Variants in NFASC observed in about 807,000 individuals in gnomAD.
NFASC encodes neurofascin, also known as neurofascin homolog.
Under a neutral mutation model 147.5 loss-of-function variants are expected in NFASC, and 43 were observed. That is an observed-to-expected ratio of 0.29 (90% confidence interval 0.23 to 0.38). The LOEUF (loss-of-function observed/expected upper bound fraction) is 0.38, where lower values mean the gene tolerates loss of function less well. Ranked by LOEUF, NFASC falls within the 10% of genes least tolerant of loss-of-function variation. The probability of loss-of-function intolerance (pLI) is 1.00; values close to 1 mark genes in which losing one functional copy is unlikely to be tolerated. For synonymous variants in NFASC, 622 were observed against 665.5 expected (o/e 0.93, Z 1.01); for missense variants, 1,320 against 1,689.0 (o/e 0.78, Z 3.83).
chr1:204,976,914 G>A lies in NFASC; in HGVS notation c.1831+119G>A, dbSNP rs77159058. 5.0e-4 allele frequency: 739 copies of A among 1,485,392 alleles called. 3 individuals carry two copies. In the East Asian group the frequency reaches 0.012, roughly 23 times the overall value. 92.0% of individuals were successfully genotyped at this position (1,485,392 alleles called of 1,614,324 possible). Reference sequence around the variant, plus strand: ...CTGCAGTCAAGTGGCCGGGTCAGGCGTGGTGATCTCTTCTTGCCTCGTGAT... The same window carrying A: ...CTGCAGTCAAGTGGCCGGGTCAGGCATGGTGATCTCTTCTTGCCTCGTGAT... On this transcript the variant is annotated intron_variant, in intron 16 of 29. Transcript: ENST00000339876.
intron 3 of NFASC, chr1:204,946,438 T>C (rs1484632002): frequency 1.2e-5 from 5 of 433,708 alleles, no homozygotes; most frequent in Non-Finnish European, 2.4e-5. Flanking sequence ...TTCCAGATGC[T>C]CTGGCTGTGT....
chr1:204,953,261 AT>A (rs947036787), intron 5 of NFASC, among the ~76,000 whole-genome samples: 1 of 152,108 alleles, frequency 6.6e-6, no homozygotes, highest in Non-Finnish European at 1.5e-5. Context: ...CTAGGCTGCC[AT>A]TTCTTTAAAA....
chr1:204,900,492 T>G (rs979726316), intron 1 of NFASC, among the ~76,000 whole-genome samples: 3 of 152,242 alleles, frequency 2.0e-5, no homozygotes, highest in African/African-American at 7.2e-5. Context: ...CCACCTTCTA[T>G]AGACTGAACA....
Position 204,957,816 on chromosome 1 carries a change from G to T in NFASC, c.696G>T (p.Lys232Asn), listed in dbSNP as rs2094495209. The change falls in exon 8 of 30, where the codon AAG (lysine) becomes AAT (asparagine). Residue 232 changes from lysine to asparagine, a missense_variant. Physicochemically the swap from Lys to Asn is moderately conservative, Grantham distance 94. Transcript: ENST00000339876. The part of the protein sequence containing the change: ...TIQQKNPFTL[K>N]VLTTRGVAER... ...AGCAGAAGAACCCTTTCACCCTCAA[G>T]GTCCTCACCAGTAAGTGAAGGCCCC... is the stretch of plus-strand genomic sequence containing the variant. The T allele has an allele frequency of 1.9e-6, 3 of 1,614,010 alleles. No individual in the cohort carries two copies. The highest frequency in any genetic ancestry group is 2.7e-5 in the African/African-American group (2 of 74,894).
intron 1 of NFASC, among the ~76,000 whole-genome samples, chr1:204,882,115 T>C (rs1312046307): frequency 1.3e-5 from 2 of 152,192 alleles, no homozygotes; most frequent in Non-Finnish European, 2.9e-5. Context: ...TGAAAGACCC[T>C]ATTGCAGTGC....
intron 29 of NFASC, among the ~76,000 whole-genome samples, chr1:205,013,329 T>C (rs1400948054): frequency 6.6e-6 from 1 of 152,168 alleles, no homozygotes; most frequent in East Asian, 1.9e-4. Context: ...TCTTAAAGCC[T>C]CAAGGAATGA....
intron 1 of NFASC, among the ~76,000 whole-genome samples, chr1:204,890,712 G>C (rs1553235957): frequency 6.6e-6 from 1 of 152,108 alleles, no homozygotes; most frequent in Non-Finnish European, 1.5e-5. Context: ...TGGAATTACA[G>C]GCGCCCACCA....
chr1:204,984,100 C>T (rs2095559556), intron 21 of NFASC: 2 of 1,614,070 alleles, frequency 1.2e-6, no homozygotes, highest in African/African-American at 1.3e-5. Flanking sequence ...AGTGGAACCG[C>T]GTCTACTCCG....
intron 2 of NFASC, among the ~76,000 whole-genome samples, chr1:204,937,111 A>C (rs1033818283): frequency 6.6e-6 from 1 of 151,882 alleles, no homozygotes; most frequent in African/African-American, 2.4e-5. Context: ...CACTCGCTTC[A>C]CTTTATTACA....
intron 1 of NFASC, among the ~76,000 whole-genome samples, chr1:204,857,347 C>T (rs78451955): frequency 0.025 from 3,782 of 152,330 alleles, 75 homozygotes; most frequent in Non-Finnish European, 0.038. Flanking sequence ...GCTCTGGCAT[C>T]GCCAACCTTG....
At chr1:204,983,245 G>A (rs1179339660) in intron 21 of NFASC, among the ~76,000 whole-genome samples, 3 of 152,206 alleles carry the variant, frequency 2.0e-5, no homozygotes, top group African/African-American at 7.2e-5. Context: ...TCAGTTATGG[G>A]GGAGGGAGGG....
chr1:204,902,850 G>A (rs760293000), intron 1 of NFASC, among the ~76,000 whole-genome samples: 6 of 152,152 alleles, frequency 3.9e-5, no homozygotes, highest in African/African-American at 1.2e-4. Context: ...CAAATGCCAC[G>A]AAGGGCCCAC....
chr1:204,998,628 G>T (rs761928104), intron 25 of NFASC: 4 of 152,208 alleles, frequency 2.6e-5, no homozygotes, highest in Non-Finnish European at 5.9e-5. Flanking sequence ...AGGCACTTTC[G>T]GAAAAAGTTG....
At chr1:204,846,899 A>G (rs900634882) in intron 1 of NFASC, among the ~76,000 whole-genome samples, 6 of 150,782 alleles carry the variant, frequency 4.0e-5, no homozygotes, top group African/African-American at 1.5e-4. Context: ...GCCCCAGTCT[A>G]CCCTAGAATC....
At chr1:204,926,615 T>C (rs2149514402) in intron 2 of NFASC, among the ~76,000 whole-genome samples, 1 of 150,784 alleles carries the variant, frequency 6.6e-6, no homozygotes, top group South Asian at 2.1e-4. Flanking sequence ...AGTTTTGCCA[T>C]GTTGCCCAGG....
intron 10 of NFASC, 73 bp downstream of exon 10, chr1:204,969,055 G>T: frequency 7.1e-7 from 1 of 1,411,822 alleles, no homozygotes; most frequent in Non-Finnish European, 9.7e-7. Flanking sequence ...CCCTCTGAGG[G>T]TGGTTGGGGG....
intron 8 of NFASC, among the ~76,000 whole-genome samples, chr1:204,966,237 C>G (rs1444147475): frequency 1.3e-5 from 2 of 152,158 alleles, no homozygotes; most frequent in African/African-American, 4.8e-5. Context: ...GAACTCTGTG[C>G]TAAATTTTCC....
chr1:204,930,826 G>T (rs1399067894), intron 2 of NFASC, among the ~76,000 whole-genome samples: 2 of 152,232 alleles, frequency 1.3e-5, no homozygotes, highest in Non-Finnish European at 2.9e-5. Flanking sequence ...AGGAGGTGCA[G>T]AAAGCACGTG....
At chr1:204,993,634 C>T (rs750025158) in intron 24 of NFASC, 8 of 386,090 alleles carry the variant, frequency 2.1e-5, no homozygotes, top group Non-Finnish European at 4.3e-5. Context: ...CACTCAGGAT[C>T]CCCCCTTAGC....
Sources: allele counts gnomAD v4.1 joint callset (sites outside exome capture counted in the v4.1 genomes callset), GRCh38; gene constraint gnomAD v4.1.1; transcripts MANE v1.5; gene names NCBI Gene and HGNC (gene_info 2026-07-23, HGNC 2026-07-21).